POFUT3: variants seen among roughly 807,000 people sequenced by gnomAD.
The protein encoded by POFUT3 is protein O-fucosyltransferase 3.
the POFUT3 span, among the ~76,000 whole-genome samples, chr8:33,333,955 A>G: frequency 6.6e-6 from 1 of 152,178 alleles, no homozygotes; most frequent in South Asian, 2.1e-4. Flanking sequence ...AAGACCTAGA[A>G]AAGTTCTTCT....
At chr8:33,377,751 G>A in the POFUT3 span, among the ~76,000 whole-genome samples, 165 of 152,284 alleles carry the variant, frequency 1.1e-3, no homozygotes, top group African/African-American at 3.9e-3. Flanking sequence ...GGTCTTGTGC[G>A]GAAAAACCAG....
chr8:33,365,055 A>C, the POFUT3 span, among the ~76,000 whole-genome samples: 4 of 152,240 alleles, frequency 2.6e-5, no homozygotes, highest in Non-Finnish European at 5.9e-5. Flanking sequence ...TGGTACCAAA[A>C]CAGATATATA....
chr8:33,368,554 C>G, the POFUT3 span, among the ~76,000 whole-genome samples: 1 of 152,222 alleles, frequency 6.6e-6, no homozygotes, highest in East Asian at 1.9e-4. Flanking sequence ...GGCTCCTCTT[C>G]TTCTCCTTCT....
the POFUT3 span, chr8:33,372,694 C>T: frequency 6.2e-7 from 1 of 1,614,100 alleles, no homozygotes; most frequent in South Asian, 1.1e-5. Context: ...AAATCCACAT[C>T]TCTCGCAAAG....
the POFUT3 span, among the ~76,000 whole-genome samples, chr8:33,451,431 C>T: frequency 8.0e-5 from 12 of 150,578 alleles, no homozygotes; most frequent in South Asian, 2.1e-4. Context: ...TGTGTATATA[C>T]GTGTGTATAT....
the POFUT3 span, among the ~76,000 whole-genome samples, chr8:33,325,808 C>T: frequency 6.6e-6 from 1 of 152,150 alleles, no homozygotes; most frequent in Non-Finnish European, 1.5e-5. Flanking sequence ...TCTATTGTGG[C>T]TTCCAGTTAA....
At chr8:33,367,393 G>A in the POFUT3 span, among the ~76,000 whole-genome samples, 17 of 152,254 alleles carry the variant, frequency 1.1e-4, no homozygotes, top group South Asian at 2.1e-4. Flanking sequence ...CCATCCCTTC[G>A]TTTCCCGTAA....
At chr8:33,329,670 A>G in the POFUT3 span, among the ~76,000 whole-genome samples, 2 of 152,064 alleles carry the variant, frequency 1.3e-5, no homozygotes, top group African/African-American at 4.8e-5. Flanking sequence ...TTTTCATTTT[A>G]CTCTTAAGTA....
At chr8:33,323,220 C>A in the POFUT3 span, among the ~76,000 whole-genome samples, 2 of 152,162 alleles carry the variant, frequency 1.3e-5, no homozygotes, top group Non-Finnish European at 2.9e-5. Context: ...AATATCTGAA[C>A]TGTGTGTCTT....
chr8:33,414,502 C>G, the POFUT3 span, among the ~76,000 whole-genome samples: 4 of 152,176 alleles, frequency 2.6e-5, no homozygotes, highest in African/African-American at 7.2e-5. Flanking sequence ...TTATAGCAGC[C>G]CAAACTGACA....
the POFUT3 span, among the ~76,000 whole-genome samples, chr8:33,415,370 G>A: frequency 6.6e-6 from 1 of 152,178 alleles, no homozygotes; most frequent in South Asian, 2.1e-4. Context: ...TGTGGAGCTG[G>A]TGGACCCAGT....
the POFUT3 span, among the ~76,000 whole-genome samples, chr8:33,368,454 G>T: frequency 6.6e-6 from 1 of 152,202 alleles, no homozygotes; most frequent in Non-Finnish European, 1.5e-5. Context: ...TGACTTAAAA[G>T]TAAGCTCCCA....
the POFUT3 span, among the ~76,000 whole-genome samples, chr8:33,414,310 C>A: frequency 6.6e-6 from 1 of 151,888 alleles, no homozygotes; most frequent in Admixed American, 6.6e-5. Context: ...ACCTTTCCAC[C>A]ACCTCCCCCA....
At chr8:33,453,504 C>A in the POFUT3 span, 2 of 1,603,916 alleles carry the variant, frequency 1.2e-6, no homozygotes, top group South Asian at 1.1e-5. Context: ...CCCAGCTCAA[C>A]CATGACCTAA....
chr8:33,450,775 G>A, the POFUT3 span, among the ~76,000 whole-genome samples: 1 of 152,272 alleles, frequency 6.6e-6, no homozygotes, highest in Middle Eastern at 3.4e-3. Context: ...GAATTTGGTT[G>A]GAGATTAAGT....
chr8:33,355,900 C>T, the POFUT3 span, among the ~76,000 whole-genome samples: 1 of 152,056 alleles, frequency 6.6e-6, no homozygotes, highest in African/African-American at 2.4e-5. Flanking sequence ...CAATTCCCAC[C>T]TATGAGTAAG....
the POFUT3 span, among the ~76,000 whole-genome samples, chr8:33,402,420 A>G: frequency 6.6e-6 from 1 of 152,200 alleles, no homozygotes; most frequent in Non-Finnish European, 1.5e-5. Flanking sequence ...TTATTCTCAA[A>G]ACCTGCAGTG....
the POFUT3 span, among the ~76,000 whole-genome samples, chr8:33,426,634 C>T: frequency 1.3e-5 from 2 of 152,194 alleles, no homozygotes; most frequent in Non-Finnish European, 2.9e-5. Flanking sequence ...AAGGCAAAAC[C>T]TTAAAACTGT....
At chr8:33,449,816 C>T in the POFUT3 span, among the ~76,000 whole-genome samples, 1 of 151,936 alleles carries the variant, frequency 6.6e-6, no homozygotes, top group Non-Finnish European at 1.5e-5. Context: ...TGCCTCCATT[C>T]ATGCTGTTCT....
Sources: allele counts gnomAD v4.1 joint callset (sites outside exome capture counted in the v4.1 genomes callset), GRCh38; gene constraint gnomAD v4.1.1; transcripts MANE v1.5; gene names NCBI Gene and HGNC (gene_info 2026-07-23, HGNC 2026-07-21).